Variants in AKAP3 observed in about 807,000 individuals in gnomAD.
AKAP3 encodes A-kinase anchoring protein 3.
In AKAP3, 27 loss-of-function variants were observed where a neutral mutation model predicts 57.2. The ratio of observed to expected loss-of-function variants is 0.47; its 90% confidence interval spans 0.35 to 0.65. The LOEUF is 0.65. Among genes scored for constraint, AKAP3 ranks in the 30% least tolerant of loss-of-function variants. The pLI, the probability that AKAP3 is intolerant of heterozygous loss-of-function variation, is 0.01. For missense variants in AKAP3, 959 were observed against 1,040.0 expected, an observed-to-expected ratio of 0.92 and a Z score of 1.07; for synonymous variants, 334 against 392.3, an observed-to-expected ratio of 0.85 and a Z score of 1.76.
chr12:4,633,116 T>TA (rs111238703), intron 4 of AKAP3, among the ~76,000 whole-genome samples: 186 of 141,152 alleles, frequency 1.3e-3, no homozygotes, highest in Middle Eastern at 3.7e-3. Context: ...CCTTTTCAAT[T>TA]AAAAAAAAAA....
rs1475181691 is a variant in AKAP3, at chr12:4,648,786, CTG to C, written c.-288_-287del. 1 of 251,848 alleles carries C rather than the reference CTG, an allele frequency of 4.0e-6. No individual in the cohort carries two copies. Among genetic ancestry groups the C allele is most frequent in the African/African-American group, 2.3e-5 (1 of 44,074 alleles). The allele number at this position is 251,848 out of a possible 1,614,324, so 15.6% of individuals were successfully genotyped here. A position where few individuals can be genotyped will look rare whatever the true frequency, so the allele number is the denominator to read the frequency against. ...GCTTACATTTTCAGGGAACAGGAAA[CTG>C]AGAGTCAGGAAAGGTGAGCTCTTCT... On this transcript the variant is annotated 5_prime_UTR_variant, in exon 1 of 6. It removes the in-frame stop codon of an upstream open reading frame in the 5' UTR. Coordinates refer to ENST00000228850, the MANE Select transcript of AKAP3 (RefSeq NM_001278309.2).
chr12:4,630,516 T>C (rs1277043327), intron 4 of AKAP3, among the ~76,000 whole-genome samples: 1 of 152,248 alleles, frequency 6.6e-6, no homozygotes, highest in East Asian at 1.9e-4. Flanking sequence ...GCAGGACTGG[T>C]TTAAGTGGCT....
intron 4 of AKAP3, among the ~76,000 whole-genome samples, chr12:4,634,491 T>C (rs1038456192): frequency 2.0e-5 from 3 of 152,222 alleles, no homozygotes; most frequent in African/African-American, 4.8e-5. Flanking sequence ...AGTTTAAATA[T>C]ACACAATTGC....
At chr12:4,641,604 C>G (rs1333466466) in intron 3 of AKAP3, among the ~76,000 whole-genome samples, 1 of 152,192 alleles carries the variant, frequency 6.6e-6, no homozygotes, top group African/African-American at 2.4e-5. Flanking sequence ...CATAAACATA[C>G]ACACATAGAA....
chr12:4,627,009 T>C lies in AKAP3; in HGVS notation c.1893A>G (p.Arg631=), dbSNP rs1256010733. The change falls in exon 5 of 6, where the codon AGA becomes AGG. Residue 631 remains arginine (R), a synonymous_variant. Transcript: ENST00000228850. ...PVKEDRKLCE[R]PLASSPPRLY... is the part of the protein sequence containing the mutation. ...GCCTGGGGGGAGAAGACGCCAACGG[T>C]CTTTCACACAACTTCCTATCTTCCT... 6.2e-7 allele frequency: 1 copy of C among 1,613,926 alleles called. No individual in the cohort carries two copies. Among genetic ancestry groups the C allele is most frequent in the East Asian group, 2.2e-5 (1 of 44,898 alleles).
intron 4 of AKAP3, among the ~76,000 whole-genome samples, chr12:4,632,675 C>T (rs1945512866): frequency 6.6e-6 from 1 of 152,176 alleles, no homozygotes; most frequent in Non-Finnish European, 1.5e-5. Flanking sequence ...GAGTCTTGCT[C>T]TGTCACCCAG....
At chr12:4,635,537 T>A (rs1945553881) in intron 4 of AKAP3, 14 of 703,638 alleles carry the variant, frequency 2.0e-5, no homozygotes, top group South Asian at 2.0e-4. Flanking sequence ...GTCATCTGCA[T>A]AGGACTGTGC....
chr12:4,615,766 C>T lies in AKAP3; in HGVS notation c.2535G>A (p.Leu845=). 6.2e-7 allele frequency: 1 copy of T among 1,614,128 alleles called. No individual in the cohort carries two copies. Residue 845 remains leucine (L), a synonymous_variant, in exon 6 of 6, where the codon CTG becomes CTA. Transcript: ENST00000228850. ...EAVGNVTPLQ[L]LDWLMVNL ...ACAGGTTCACCATCAGCCAGTCCAG[C>T]AGCTGCAGCGGTGTGACATTCCCCA...
intron 3 of AKAP3, among the ~76,000 whole-genome samples, chr12:4,639,334 C>T (rs1591534724): frequency 6.6e-6 from 1 of 152,312 alleles, no homozygotes; most frequent in South Asian, 2.1e-4. Context: ...GCTCAGCTCA[C>T]CCCTCCTTCC....
chr12:4,629,405 A>G (rs796978578), intron 4 of AKAP3, among the ~76,000 whole-genome samples: 8 of 152,320 alleles, frequency 5.3e-5, no homozygotes, highest in African/African-American at 1.9e-4. Context: ...ACATGTTCAT[A>G]CTTATAAGTG....
At chr12:4,635,207 A>G (rs1647321209) in intron 4 of AKAP3, 1 of 249,112 alleles carries the variant, frequency 4.0e-6, no homozygotes, top group East Asian at 1.0e-4. Context: ...AACACTTAAA[A>G]TAATTCTGCA....
Position 4,644,739 on chromosome 12 carries a change from C to T in AKAP3, c.-107+316G>A, listed in dbSNP as rs553604549. Among the ~76,000 whole-genome samples, 574 of 152,272 alleles carry T rather than the reference C, an allele frequency of 3.8e-3. 1 individual carries two copies. The highest frequency in any genetic ancestry group is 4.8e-3 in the Admixed American group (74 of 15,284). ...ACCAGCCTGGCCAACATGGCGAAAA[C>T]CTGTCTCTACTAGAAATACAAAAAA... On this transcript the variant is annotated intron_variant, in intron 2 of 5. Coordinates refer to ENST00000228850, the MANE Select transcript of AKAP3 (RefSeq NM_001278309.2).
intron 4 of AKAP3, among the ~76,000 whole-genome samples, chr12:4,631,698 C>G (rs537191171): frequency 6.6e-6 from 1 of 152,184 alleles, no homozygotes; most frequent in South Asian, 2.1e-4. Flanking sequence ...AAAGGGAATG[C>G]TAAGAAAACA....
intron 5 of AKAP3, among the ~76,000 whole-genome samples, chr12:4,618,389 C>T (rs184567940): frequency 1.1e-4 from 17 of 152,252 alleles, no homozygotes; most frequent in Admixed American, 4.6e-4. Context: ...GTCTTTTCAA[C>T]GAATGGTGCC....
intron 4 of AKAP3, 50 bp downstream of exon 4, chr12:4,638,051 G>A: frequency 7.1e-7 from 1 of 1,417,944 alleles, no homozygotes; most frequent in Non-Finnish European, 1.0e-6. Flanking sequence ...TACTCTTAAT[G>A]ACAGCCCCCA....
chr12:4,632,732 C>G (rs1370740250), intron 4 of AKAP3, among the ~76,000 whole-genome samples: 3 of 152,108 alleles, frequency 2.0e-5, no homozygotes, highest in African/African-American at 7.2e-5. Context: ...GCTCTGCCTC[C>G]CGAGTTCATG....
chr12:4,635,681 G>A, intron 4 of AKAP3: 1 of 751,236 alleles, frequency 1.3e-6, no homozygotes, highest in South Asian at 1.5e-5. Flanking sequence ...CTCCTCATTT[G>A]TGGTATCATA....
intron 4 of AKAP3, among the ~76,000 whole-genome samples, chr12:4,632,941 C>G (rs979202324): frequency 6.6e-6 from 1 of 152,068 alleles, no homozygotes; most frequent in African/African-American, 2.4e-5. Context: ...TGCCCGGCCC[C>G]CTTTGCCCAC....
At chr12:4,639,087 GTATTATATGTACATACC>G (rs1176706244) in intron 3 of AKAP3, among the ~76,000 whole-genome samples, 1 of 152,130 alleles carries the variant, frequency 6.6e-6, no homozygotes, top group Non-Finnish European at 1.5e-5. Flanking sequence ...TTGCAAATGA[GTATTATATGTACATACC>G]TATTATATGT....
Sources: allele counts gnomAD v4.1 joint callset (sites outside exome capture counted in the v4.1 genomes callset), GRCh38; gene constraint gnomAD v4.1.1; transcripts MANE v1.5; gene names NCBI Gene and HGNC (gene_info 2026-07-23, HGNC 2026-07-21).